Variants in GRM7 observed in about 807,000 individuals in gnomAD.
GRM7 encodes metabotropic glutamate receptor 7.
GRM7 carries 35 observed loss-of-function variants against 84.5 expected under a neutral mutation model. The ratio of observed to expected loss-of-function variants is 0.41; its 90% CI spans 0.32 to 0.55. The LOEUF (loss-of-function observed/expected upper bound fraction) is 0.55. Ranked by LOEUF, GRM7 falls within the 20% of genes least tolerant of loss-of-function variation. The pLI is 0.19. For synonymous variants in GRM7, 487 were observed against 455.1 expected (o/e 1.07, Z -0.89); for missense variants, 1,003 against 1,194.6 (o/e 0.84, Z 2.36).
intron 1 of GRM7, among the ~76,000 whole-genome samples, chr3:6,926,642 A>G (rs1559332650): frequency 6.6e-6 from 1 of 152,218 alleles, no homozygotes; most frequent in Non-Finnish European, 1.5e-5. Context: ...TACAATGAGC[A>G]GGTGCTCCCC....
intron 1 of GRM7, among the ~76,000 whole-genome samples, chr3:7,089,825 A>G (rs1251884816): frequency 1.3e-5 from 2 of 152,156 alleles, no homozygotes; most frequent in Non-Finnish European, 2.9e-5. Context: ...AGAGGATCAC[A>G]TTAAATGATT....
intron 1 of GRM7, among the ~76,000 whole-genome samples, chr3:7,060,733 G>A (rs928162128): frequency 3.4e-5 from 3 of 88,142 alleles, no homozygotes; most frequent in Admixed American, 1.3e-4. Context: ...TTTCTTTAAC[G>A]CCTAGAAATG....
intron 7 of GRM7, among the ~76,000 whole-genome samples, chr3:7,500,724 C>T (rs1394262975): frequency 2.6e-5 from 4 of 152,204 alleles, no homozygotes; most frequent in Non-Finnish European, 5.9e-5. Context: ...ATGAGTTGAG[C>T]CACATGACTT....
intron 5 of GRM7, among the ~76,000 whole-genome samples, chr3:7,439,679 C>T (rs187967063): frequency 6.6e-6 from 1 of 152,242 alleles, no homozygotes; most frequent in East Asian, 1.9e-4. Flanking sequence ...ATGCAAGTGG[C>T]ATTGGGAAGT....
chr3:7,144,826 G>A lies in GRM7; in HGVS notation c.520-1626G>A, dbSNP rs75744079. Among the ~76,000 whole-genome samples, 1,164 of 152,252 alleles carry A rather than the reference G, an allele frequency of 7.6e-3. 13 individuals are homozygous for A. The highest frequency in any genetic ancestry group is 0.012 in the Non-Finnish European group (845 of 68,020). On this transcript the variant is annotated intron_variant, in intron 1 of 9. Coordinates refer to ENST00000357716, the MANE Select transcript of GRM7 (RefSeq NM_000844.4). ...CTCACTATAATTGACAAGTTGCTCA[G>A]GTAGAAGGACCCATCAGGAGACATG...
intron 1 of GRM7, among the ~76,000 whole-genome samples, chr3:6,882,280 T>C (rs553434834): frequency 4.6e-5 from 7 of 152,262 alleles, no homozygotes; most frequent in African/African-American, 1.7e-4. Flanking sequence ...TGCAGGGTAA[T>C]TGGAAAATTC....
In GRM7 at chr3:7,620,451, ATGACTTAT is replaced by A. The variant is rs1259126870; in HGVS notation, c.2451+41095_2451+41102del. Among the ~76,000 whole-genome samples, 4 of 152,282 alleles carry A rather than the reference ATGACTTAT, an allele frequency of 2.6e-5. No homozygotes were observed. The East Asian group carries it at 7.7e-4, about 29-fold the overall frequency. ...TATTAAGTGAATGTCTTGGTGAATTATGACTTATAGCCATAGCTATATTACTTTCAGAA... is the reference window on the plus strand; with the variant it reads ...TATTAAGTGAATGTCTTGGTGAATTAAGCCATAGCTATATTACTTTCAGAA... On this transcript the variant is annotated intron_variant, in intron 8 of 9. Transcript: ENST00000357716.
intron 1 of GRM7, among the ~76,000 whole-genome samples, chr3:6,994,374 G>T (rs944242546): frequency 6.6e-6 from 1 of 152,180 alleles, no homozygotes; most frequent in African/African-American, 2.4e-5. Flanking sequence ...TTAGCTGGGA[G>T]AGGGGAAACA....
At chr3:7,384,601 A>G (rs934885831) in intron 4 of GRM7, among the ~76,000 whole-genome samples, 6 of 152,252 alleles carry the variant, frequency 3.9e-5, no homozygotes, top group African/African-American at 1.2e-4. Context: ...AAATAACATT[A>G]TGAATGAGAT....
chr3:7,527,191 ATGAT>A (rs1485817759), intron 7 of GRM7, among the ~76,000 whole-genome samples: 1 of 151,760 alleles, frequency 6.6e-6, no homozygotes, highest in Admixed American at 6.6e-5. Context: ...TTTGTTTTCT[ATGAT>A]TTATTTCAGC....
intron 4 of GRM7, among the ~76,000 whole-genome samples, chr3:7,393,108 T>G (rs1428599147): frequency 6.6e-6 from 1 of 151,962 alleles, no homozygotes; most frequent in African/African-American, 2.4e-5. Flanking sequence ...TCCACACATA[T>G]CTCATTCTCA....
chr3:6,987,147 T>C (rs1281869226), intron 1 of GRM7, among the ~76,000 whole-genome samples: 2 of 152,224 alleles, frequency 1.3e-5, no homozygotes, highest in Admixed American at 1.3e-4. Flanking sequence ...TTCTCTTTTT[T>C]CTTCTAGCCT....
At chr3:7,316,818 A>G (rs1700599566) in intron 4 of GRM7, among the ~76,000 whole-genome samples, 1 of 152,192 alleles carries the variant, frequency 6.6e-6, no homozygotes, top group Admixed American at 6.6e-5. Context: ...TATGGGAGAC[A>G]TCTGGAAACA....
chr3:7,435,679 GT>G (rs71066011), intron 5 of GRM7, among the ~76,000 whole-genome samples: 233 of 88,518 alleles, frequency 2.6e-3, no homozygotes, highest in African/African-American at 7.1e-3. Context: ...CATCCGGCTA[GT>G]TTTTTTTTTT....
At chr3:7,693,562 T>A in intron 9 of GRM7, 1 of 938,560 alleles carries the variant, frequency 1.1e-6, no homozygotes, top group Non-Finnish European at 1.7e-6. Flanking sequence ...TGTTTGCAAA[T>A]TTCATTTGCA....
At chr3:7,601,735 T>C (rs1336374357) in intron 8 of GRM7, among the ~76,000 whole-genome samples, 1 of 152,090 alleles carries the variant, frequency 6.6e-6, no homozygotes, top group African/African-American at 2.4e-5. Flanking sequence ...GCTCAAAATA[T>C]GCTACTGGAG....
At chr3:7,507,151 T>C (rs1439579209) in intron 7 of GRM7, among the ~76,000 whole-genome samples, 3 of 152,146 alleles carry the variant, frequency 2.0e-5, no homozygotes, top group Non-Finnish European at 4.4e-5. Context: ...ACAGCAGAAA[T>C]TGACTCTGGT....
intron 4 of GRM7, among the ~76,000 whole-genome samples, chr3:7,350,765 T>G (rs1002286996): frequency 6.6e-6 from 1 of 152,098 alleles, no homozygotes; most frequent in Non-Finnish European, 1.5e-5. Context: ...TGAGGTTGTT[T>G]TGGGTTAGAG....
chr3:7,667,280 A>G (rs547160691), intron 8 of GRM7, among the ~76,000 whole-genome samples: 10 of 148,906 alleles, frequency 6.7e-5, no homozygotes, highest in East Asian at 3.9e-4. Flanking sequence ...AAAAAAAAAA[A>G]AGAGAGAGAG....
Sources: gnomAD v4.1 joint callset for allele counts (sites outside exome capture counted in the v4.1 genomes callset) on GRCh38, gnomAD v4.1.1 for gene constraint, MANE v1.5 for transcripts, NCBI Gene and HGNC (gene_info 2026-07-23, HGNC 2026-07-21) for gene names.